Variants in RBFOX1 observed in about 807,000 individuals in gnomAD.
The protein encoded by RBFOX1 is RNA binding protein fox-1 homolog 1.
RBFOX1 carries 8 observed loss-of-function variants against 57.7 expected under a neutral mutation model. That is an observed-to-expected ratio of 0.14 (90% CI 0.08 to 0.25). RBFOX1 has a LOEUF of 0.25. RBFOX1 is among the 10% of genes least tolerant of loss of function. The pLI is 1.00. For missense variants in RBFOX1, 611 were observed against 548.5 expected (o/e 1.11, Z -1.14); for synonymous variants, 326 against 222.4 (o/e 1.47, Z -4.15).
chr16:6,941,012 T>C (rs941592834), intron 3 of RBFOX1, among the ~76,000 whole-genome samples: 5 of 151,906 alleles, frequency 3.3e-5, no homozygotes, highest in Admixed American at 6.6e-5. Flanking sequence ...CGGCCCCCCT[T>C]ATCGTATACT....
chr16:7,570,733 C>T (rs187524935), intron 5 of RBFOX1, among the ~76,000 whole-genome samples: 130 of 152,312 alleles, frequency 8.5e-4, no homozygotes, highest in Non-Finnish European at 7.6e-4. Flanking sequence ...AATCCAATTT[C>T]TGGGTATATA....
At chr16:7,457,099 C>G (rs954562031) in intron 4 of RBFOX1, among the ~76,000 whole-genome samples, 1 of 151,924 alleles carries the variant, frequency 6.6e-6, no homozygotes, top group African/African-American at 2.4e-5. Flanking sequence ...GTTGGTCAGG[C>G]TGGTCTCGAA....
chr16:7,022,933 A>C (rs983146319), intron 3 of RBFOX1, among the ~76,000 whole-genome samples: 1 of 152,184 alleles, frequency 6.6e-6, no homozygotes, highest in Non-Finnish European at 1.5e-5. Context: ...TTGAGTCTTC[A>C]TTCTTTATCA....
At chr16:7,267,316 C>G (rs538285168) in intron 4 of RBFOX1, among the ~76,000 whole-genome samples, 1 of 152,258 alleles carries the variant, frequency 6.6e-6, no homozygotes, top group African/African-American at 2.4e-5. Flanking sequence ...GGGCGGATCA[C>G]TTGAGGTCGG....
intron 3 of RBFOX1, among the ~76,000 whole-genome samples, chr16:5,726,603 T>C (rs2151548673): frequency 6.6e-6 from 1 of 152,332 alleles, no homozygotes; most frequent in Non-Finnish European, 1.5e-5. Context: ...AATCTGCTGC[T>C]TCTCACCTCC....
At chr16:5,828,630 C>T (rs1284127345) in intron 3 of RBFOX1, among the ~76,000 whole-genome samples, 3 of 151,852 alleles carry the variant, frequency 2.0e-5, no homozygotes, top group African/African-American at 7.3e-5. Flanking sequence ...ACCCAGGAGG[C>T]AGAGGTTGCA....
chr16:7,034,527 G>A (rs1166402349), intron 3 of RBFOX1, among the ~76,000 whole-genome samples: 1 of 152,116 alleles, frequency 6.6e-6, no homozygotes, highest in Non-Finnish European at 1.5e-5. Context: ...AGATGGATGG[G>A]AAGTGGGAAG....
intron 2 of RBFOX1, among the ~76,000 whole-genome samples, chr16:5,542,756 A>G (rs75435375): frequency 0.027 from 4,121 of 152,298 alleles, 219 homozygotes; most frequent in African/African-American, 0.093. Flanking sequence ...GGCCAAAATT[A>G]TGCTTGATTT....
chr16:5,905,241 T>G (rs1429809589), intron 4 of RBFOX1, among the ~76,000 whole-genome samples: 1 of 151,522 alleles, frequency 6.6e-6, no homozygotes, highest in Non-Finnish European at 1.5e-5. Context: ...CTAATTTTCG[T>G]ATTATTAGTA....
intron 4 of RBFOX1, among the ~76,000 whole-genome samples, chr16:7,214,802 C>T (rs1002586829): frequency 3.9e-5 from 6 of 152,200 alleles, no homozygotes; most frequent in Non-Finnish European, 7.3e-5. Flanking sequence ...GAAGTAGACA[C>T]ATGTTCCTCA....
At chr16:5,730,181 C>A (rs1407289685) in intron 3 of RBFOX1, among the ~76,000 whole-genome samples, 2 of 152,154 alleles carry the variant, frequency 1.3e-5, no homozygotes, top group East Asian at 1.9e-4. Flanking sequence ...ATTGAATTAG[C>A]CAGATCACCA....
chr16:6,853,806 A>G (rs1266663526), intron 3 of RBFOX1, among the ~76,000 whole-genome samples: 2 of 152,134 alleles, frequency 1.3e-5, no homozygotes, highest in East Asian at 3.9e-4. Context: ...CCGAGGGGTA[A>G]TTTCCTCCCC....
chr16:7,304,593 G>A, intron 4 of RBFOX1: 3 of 985,204 alleles, frequency 3.0e-6, no homozygotes, highest in Non-Finnish European at 3.6e-6. Flanking sequence ...CTGAGGAGGG[G>A]GCTCCCGCGT....
At chr16:6,506,030 C>G (rs1223836459) in intron 2 of RBFOX1, among the ~76,000 whole-genome samples, 2 of 152,134 alleles carry the variant, frequency 1.3e-5, no homozygotes, top group East Asian at 3.9e-4. Flanking sequence ...GATAGGTGAC[C>G]TAAAGGAAAG....
At chr16:7,037,228 CTTTTTTTTTT>C (rs889539532) in intron 3 of RBFOX1, among the ~76,000 whole-genome samples, 3 of 80,526 alleles carry the variant, frequency 3.7e-5, no homozygotes, top group South Asian at 4.6e-4. Flanking sequence ...GTCTTAGCCT[CTTTTTTTTTT>C]TTTTTTTTTT....
At chr16:7,274,569 C>G (rs148991151) in intron 4 of RBFOX1, among the ~76,000 whole-genome samples, 65 of 152,308 alleles carry the variant, frequency 4.3e-4, no homozygotes, top group African/African-American at 1.5e-3. Flanking sequence ...AAACTAATCA[C>G]TTCTCTCTGG....
chr16:6,179,646 C>G (rs893577482), intron 1 of RBFOX1, among the ~76,000 whole-genome samples: 10 of 152,340 alleles, frequency 6.6e-5, no homozygotes, highest in Non-Finnish European at 1.2e-4. Context: ...CCAACAGCAC[C>G]TGCTGCTGCC....
intron 1 of RBFOX1, among the ~76,000 whole-genome samples, chr16:5,338,573 A>G (rs574259218): frequency 2.6e-5 from 4 of 152,174 alleles, no homozygotes; most frequent in Non-Finnish European, 4.4e-5. Context: ...ACTGAACAAT[A>G]TACATTTATT....
chr16:5,466,952 A>C (rs1178310267), intron 1 of RBFOX1, among the ~76,000 whole-genome samples: 1 of 151,966 alleles, frequency 6.6e-6, no homozygotes, highest in Non-Finnish European at 1.5e-5. Flanking sequence ...ATTAATAGTT[A>C]TTGGTTAGCT....
Sources: allele counts gnomAD v4.1 joint callset (sites outside exome capture counted in the v4.1 genomes callset), GRCh38; gene constraint gnomAD v4.1.1; transcripts MANE v1.5; gene names NCBI Gene and HGNC (gene_info 2026-07-23, HGNC 2026-07-21).